The following IL36B variants were observed in gnomAD, a reference collection of about 807,000 sequenced individuals.
The protein encoded by IL36B is interleukin 36 beta.
IL36B carries 23 observed loss-of-function variants against 19.3 expected under a neutral mutation model. The observed-to-expected ratio is 1.19, with a 90% CI of 0.86 to 1.69. IL36B has a LOEUF of 1.69. Ranked by LOEUF, IL36B falls within the 40% of genes most tolerant of loss-of-function variation. The probability of loss-of-function intolerance (pLI) is 0.00; values close to 1 mark genes in which losing one functional copy is unlikely to be tolerated. For missense variants in IL36B, 217 were observed against 200.5 expected (o/e 1.08, Z -0.50); for synonymous variants, 59 against 59.7 (o/e 0.99, Z 0.05).
chr2:113,026,758 ATGC>A (rs1364274003), intron 4 of IL36B, among the ~76,000 whole-genome samples: 2 of 152,222 alleles, frequency 1.3e-5, no homozygotes, highest in African/African-American at 2.4e-5. Context: ...ATCATAGCTG[ATGC>A]TTCTTCTTCC....
chr2:113,027,872 T>C, intron 4 of IL36B: 1 of 1,612,168 alleles, frequency 6.2e-7, no homozygotes, highest in Non-Finnish European at 8.5e-7. Context: ...TTCTCTATCC[T>C]GGAACCAGCC....
At chr2:113,043,790 G>T (rs148574117) in intron 1 of IL36B, among the ~76,000 whole-genome samples, 1,783 of 152,276 alleles carry the variant, frequency 0.012, 33 homozygotes, top group African/African-American at 0.041. Flanking sequence ...CTGACCTCAG[G>T]TGATCCGCCC....
intron 1 of IL36B, among the ~76,000 whole-genome samples, chr2:113,040,275 C>A (rs891187571): frequency 2.6e-5 from 4 of 152,110 alleles, no homozygotes; most frequent in South Asian, 2.1e-4. Context: ...TAAAATAGTG[C>A]CCAAGAAAAA....
chr2:113,039,572 TG>T lies in IL36B; in HGVS notation c.-57-7807del, dbSNP rs533309491. ...ATAACTTCCAAACTAGAGGGGAGGA[TG>T]AACAAAGGAAAAACAAACAAAACCA... is the stretch of plus-strand genomic sequence containing the variant. On this transcript the variant is annotated intron_variant, in intron 1 of 5. Transcript: ENST00000259213. Among the ~76,000 whole-genome samples, 643 of 151,736 alleles carry T rather than the reference TG, an allele frequency of 4.2e-3. 3 individuals are homozygous for T. Among genetic ancestry groups the T allele is most frequent in the African/African-American group, 0.015 (615 of 41,336 alleles).
At chr2:113,035,951 C>A (rs1685160315) in intron 1 of IL36B, among the ~76,000 whole-genome samples, 1 of 151,974 alleles carries the variant, frequency 6.6e-6, no homozygotes, top group Non-Finnish European at 1.5e-5. Flanking sequence ...CTTTTCGATT[C>A]TTTTGTTTTT....
At chr2:113,031,814 G>T in intron 1 of IL36B, 48 bp from the exon 2 acceptor site, 1 of 900,580 alleles carries the variant, frequency 1.1e-6, no homozygotes, top group Non-Finnish European at 1.8e-6. Flanking sequence ...AACATGTTAT[G>T]CTTTTTTCTC....
intron 3 of IL36B, 25 bp downstream of exon 3, chr2:113,031,023 A>C: frequency 6.6e-7 from 1 of 1,517,534 alleles, no homozygotes; most frequent in Non-Finnish European, 9.2e-7. Flanking sequence ...CTCAAGAAGC[A>C]ACAGTGGGTT....
At chr2:113,027,350 C>A (rs188632780) in intron 4 of IL36B, 83 bp downstream of exon 5, 1 of 448,422 alleles carries the variant, frequency 2.2e-6, no homozygotes, top group Non-Finnish European at 2.9e-6. Flanking sequence ...TTAAGTGGAC[C>A]TGTGCAGTTC....
intron 5 of IL36B, among the ~76,000 whole-genome samples, chr2:113,025,190 C>T (rs1276785006): frequency 6.6e-6 from 1 of 152,198 alleles, no homozygotes; most frequent in Admixed American, 6.5e-5. Context: ...CTTGTATCAT[C>T]ACATTCCCCT....
intron 5 of IL36B, among the ~76,000 whole-genome samples, chr2:113,025,460 G>A (rs1684940729): frequency 6.6e-6 from 1 of 152,196 alleles, no homozygotes; most frequent in East Asian, 1.9e-4. Context: ...AGGGAGGGAA[G>A]ATTTGGTATC....
chr2:113,023,433 T>C (rs1029692559), intron 5 of IL36B, among the ~76,000 whole-genome samples: 2 of 152,220 alleles, frequency 1.3e-5, no homozygotes, highest in African/African-American at 4.8e-5. Context: ...ACTGCTATTA[T>C]AGGCATAGAT....
chr2:113,040,181 T>C (rs1005192598), intron 1 of IL36B, among the ~76,000 whole-genome samples: 3 of 152,170 alleles, frequency 2.0e-5, no homozygotes, highest in African/African-American at 7.2e-5. Context: ...AATCTTTTAA[T>C]AGACAAAGTA....
chr2:113,042,210 C>T (rs921067443), intron 1 of IL36B, among the ~76,000 whole-genome samples: 4 of 152,136 alleles, frequency 2.6e-5, no homozygotes, highest in Admixed American at 1.3e-4. Context: ...GGGCAGGAGT[C>T]GTCTTGCCTT....
At chr2:113,039,523 A>G (rs1685218353) in intron 1 of IL36B, among the ~76,000 whole-genome samples, 1 of 152,216 alleles carries the variant, frequency 6.6e-6, no homozygotes, top group Non-Finnish European at 1.5e-5. Context: ...ACTAGCCATT[A>G]TGTATTAAAT....
intron 1 of IL36B, among the ~76,000 whole-genome samples, chr2:113,040,968 C>A (rs1685245875): frequency 6.6e-6 from 1 of 151,884 alleles, no homozygotes; most frequent in Non-Finnish European, 1.5e-5. Flanking sequence ...CCAGCTTGGG[C>A]AACTTAGCAA....
intron 3 of IL36B, among the ~76,000 whole-genome samples, chr2:113,029,774 T>A (rs1685039567): frequency 6.6e-6 from 1 of 152,126 alleles, no homozygotes; most frequent in Admixed American, 6.5e-5. Flanking sequence ...GGGTGATTCA[T>A]CAATGCAAAA....
intron 4 of IL36B, 25 bp downstream of exon 4, chr2:113,028,914 T>C (rs745494197): frequency 5.6e-6 from 9 of 1,609,986 alleles, no homozygotes; most frequent in African/African-American, 1.3e-5. Flanking sequence ...ACAGTACTTC[T>C]CTCGTTAGCT....
rs776765369 is a variant in IL36B at position 113,026,143 on chromosome 2, G to GCT, written c.349_350dup (p.Ser117ArgfsTer13). On this transcript the variant is annotated frameshift_variant, in exon 5 of 6. Transcript: ENST00000259213. LOFTEE classifies it low-confidence loss of function (END_TRUNC). ...ATTGGTCAAGGGTTCCCATGAAGCA[G>GCT]CTCTCTCTCACATCCAGGTTTATGC... is the stretch of plus-strand genomic sequence containing the variant. 7.6e-5 allele frequency: 122 copies of GCT among 1,613,762 alleles called. No individual in the cohort carries two copies. Among genetic ancestry groups the GCT allele is most frequent in the Admixed American group, 1.0e-4 (6 of 59,994 alleles).
chr2:113,024,153 C>A (rs924764765), intron 5 of IL36B, among the ~76,000 whole-genome samples: 4 of 152,134 alleles, frequency 2.6e-5, no homozygotes, highest in African/African-American at 9.7e-5. Flanking sequence ...CACGGGTAAA[C>A]TCCCTCTCTA....
Sources: gnomAD v4.1 joint callset for allele counts (sites outside exome capture counted in the v4.1 genomes callset) on GRCh38, gnomAD v4.1.1 for gene constraint, MANE v1.5 for transcripts, NCBI Gene and HGNC (gene_info 2026-07-23, HGNC 2026-07-21) for gene names.